The following CD2AP variants were observed in gnomAD, a reference collection of about 807,000 sequenced individuals.
CD2AP encodes CD2 associated protein, also known as CD2-associated protein.
In CD2AP, 46 loss-of-function variants were observed where a neutral mutation model predicts 85.1. The observed-to-expected ratio is 0.54, with a 90% CI of 0.43 to 0.69. CD2AP has a LOEUF of 0.69. Ranked by LOEUF, CD2AP falls within the 30% of genes least tolerant of loss-of-function variation. The probability of loss-of-function intolerance (pLI) is 0.00; values close to 1 mark genes in which losing one functional copy is unlikely to be tolerated. For synonymous variants in CD2AP, 255 were observed against 252.9 expected (o/e 1.01, Z -0.08); for missense variants, 769 against 729.5 (o/e 1.05, Z -0.62).
At chr6:47,575,933 T>C (rs1291122937) in intron 6 of CD2AP, among the ~76,000 whole-genome samples, 1 of 152,224 alleles carries the variant, frequency 6.6e-6, no homozygotes, top group Non-Finnish European at 1.5e-5. Flanking sequence ...AGATGACTTA[T>C]ACAAATTTGT....
Position 47,579,496 on chromosome 6 carries a change from T to C in CD2AP, c.1008+7T>C, listed in dbSNP as rs185936527. On this transcript the variant is annotated splice_region_variant and intron_variant, in intron 9 of 17. Transcript: ENST00000359314. ...ACTTGATAAAGACTTTCCAGTAAGCTTTTGTTTTTCAATGATGATAATACT... is the reference window on the plus strand; with the variant it reads ...ACTTGATAAAGACTTTCCAGTAAGCCTTTGTTTTTCAATGATGATAATACT... 18 of 1,543,012 alleles carry C rather than the reference T, an allele frequency of 1.2e-5. No individual in the cohort carries two copies. The African/African-American group carries it at 2.0e-4, about 17-fold the overall frequency.
intron 17 of CD2AP, among the ~76,000 whole-genome samples, chr6:47,620,508 T>A (rs1275329566): frequency 6.6e-6 from 1 of 152,160 alleles, no homozygotes; most frequent in African/African-American, 2.4e-5. Flanking sequence ...TCTTTTTCCT[T>A]AGTCTTGCTT....
chr6:47,595,636 T>G (rs1166697926), intron 11 of CD2AP, among the ~76,000 whole-genome samples: 1 of 152,070 alleles, frequency 6.6e-6, no homozygotes, highest in Non-Finnish European at 1.5e-5. Flanking sequence ...AGCTTATTAG[T>G]GGTTTTCCTC....
intron 2 of CD2AP, among the ~76,000 whole-genome samples, chr6:47,513,813 G>A (rs1179526879): frequency 4.0e-5 from 6 of 149,068 alleles, no homozygotes; most frequent in Non-Finnish European, 8.9e-5. Flanking sequence ...TATACTAGAT[G>A]TTGTCTGATT....
At chr6:47,531,117 A>G (rs1766863532) in intron 2 of CD2AP, among the ~76,000 whole-genome samples, 1 of 152,110 alleles carries the variant, frequency 6.6e-6, no homozygotes, top group Non-Finnish European at 1.5e-5. Context: ...TTGATATCAT[A>G]CTAAGATAAT....
At chr6:47,501,194 C>G (rs2113978707) in intron 1 of CD2AP, among the ~76,000 whole-genome samples, 1 of 152,156 alleles carries the variant, frequency 6.6e-6, no homozygotes, top group Admixed American at 6.5e-5. Context: ...TGAGAGCAGG[C>G]TGAGTAATAT....
At chr6:47,546,137 A>T (rs900094868) in intron 4 of CD2AP, among the ~76,000 whole-genome samples, 1 of 152,196 alleles carries the variant, frequency 6.6e-6, no homozygotes, top group Non-Finnish European at 1.5e-5. Context: ...GAAATATTCA[A>T]TGAAATAGAT....
chr6:47,579,455 C>G lies in CD2AP; in HGVS notation c.974C>G (p.Ala325Gly). Residue 325 changes from alanine to glycine, a missense_variant, in exon 9 of 18, where the codon GCT becomes GGT. Coordinates refer to ENST00000359314, the MANE Select transcript of CD2AP (RefSeq NM_012120.3). ...GAAGGAGTATTTCCAGACAATTTTGCTGTCCAGATAAATGAACTTGATAAA... is the reference window on the plus strand; with the variant it reads ...GAAGGAGTATTTCCAGACAATTTTGGTGTCCAGATAAATGAACTTGATAAA... ...GKEGVFPDNF[A>G]VQINELDKDF... The G allele has an allele frequency of 2.5e-6, 4 of 1,610,676 alleles. No homozygotes were observed. Among genetic ancestry groups the G allele is most frequent in the Non-Finnish European group, 3.4e-6 (4 of 1,177,068 alleles).
At chr6:47,484,842 T>A (rs912892206) in intron 1 of CD2AP, among the ~76,000 whole-genome samples, 1 of 152,188 alleles carries the variant, frequency 6.6e-6, no homozygotes, top group Non-Finnish European at 1.5e-5. Flanking sequence ...ACTGTAATCA[T>A]TAGGGGTTTC....
intron 1 of CD2AP, among the ~76,000 whole-genome samples, chr6:47,484,113 C>T (rs1765510339): frequency 6.6e-6 from 1 of 152,046 alleles, no homozygotes; most frequent in Non-Finnish European, 1.5e-5. Flanking sequence ...AATACTCCCT[C>T]ATACTCCTCC....
intron 1 of CD2AP, among the ~76,000 whole-genome samples, chr6:47,491,749 TA>T (rs896601620): frequency 2.0e-4 from 31 of 152,252 alleles, no homozygotes; most frequent in African/African-American, 6.7e-4. Context: ...TGTAATAATT[TA>T]AAAAAATTAT....
intron 13 of CD2AP, among the ~76,000 whole-genome samples, chr6:47,601,662 A>G (rs756511974): frequency 1.3e-5 from 2 of 152,020 alleles, no homozygotes; most frequent in African/African-American, 2.4e-5. Flanking sequence ...TATTAGTAAT[A>G]TAAAAGTGTT....
intron 4 of CD2AP, among the ~76,000 whole-genome samples, chr6:47,553,469 C>T (rs1767581720): frequency 6.7e-6 from 1 of 150,370 alleles, no homozygotes; most frequent in African/African-American, 2.5e-5. Flanking sequence ...GCCTCAGCTT[C>T]CCAGCTAGAT....
intron 1 of CD2AP, among the ~76,000 whole-genome samples, chr6:47,490,058 C>T (rs113028922): frequency 6.7e-6 from 1 of 150,256 alleles, no homozygotes; most frequent in South Asian, 2.1e-4. Flanking sequence ...TCACAGCAAC[C>T]TTGACCTCCT....
chr6:47,605,919 C>T (rs1562053663), intron 13 of CD2AP, among the ~76,000 whole-genome samples: 1 of 151,768 alleles, frequency 6.6e-6, no homozygotes, highest in Admixed American at 6.6e-5. Context: ...CTATTGGAAA[C>T]AACCTTTATA....
intron 10 of CD2AP, among the ~76,000 whole-genome samples, chr6:47,581,719 T>C (rs1768483843): frequency 6.6e-6 from 1 of 152,092 alleles, no homozygotes; most frequent in Non-Finnish European, 1.5e-5. Flanking sequence ...ACTGAAAAAA[T>C]AGAATGTTTT....
intron 15 of CD2AP, among the ~76,000 whole-genome samples, chr6:47,608,644 A>T (rs1249800950): frequency 6.6e-6 from 1 of 152,172 alleles, no homozygotes; most frequent in Non-Finnish European, 1.5e-5. Context: ...AAATTTTATT[A>T]AAGTGACTTT....
At chr6:47,519,156 A>G (rs1766523734) in intron 2 of CD2AP, among the ~76,000 whole-genome samples, 1 of 152,250 alleles carries the variant, frequency 6.6e-6, no homozygotes. Context: ...AAAAGAATAA[A>G]TGAATAAGAT....
intron 2 of CD2AP, among the ~76,000 whole-genome samples, chr6:47,508,058 C>G (rs1399128425): frequency 1.3e-5 from 2 of 152,164 alleles, no homozygotes; most frequent in Non-Finnish European, 2.9e-5. Context: ...CTTAAGGACC[C>G]TAGGATTCTC....
Sources: gnomAD v4.1 joint callset for allele counts (sites outside exome capture counted in the v4.1 genomes callset) on GRCh38, gnomAD v4.1.1 for gene constraint, MANE v1.5 for transcripts, NCBI Gene and HGNC (gene_info 2026-07-23, HGNC 2026-07-21) for gene names.